MED27: variants seen among roughly 807,000 people sequenced by gnomAD.
MED27 encodes mediator complex subunit 27.
A neutral mutation model predicts 38.2 loss-of-function variants in MED27; 30 were observed. The observed-to-expected ratio is 0.79, with a 90% CI of 0.59 to 1.07. MED27 has a LOEUF of 1.07. Ranked by LOEUF, MED27 falls within the 50% of genes least tolerant of loss-of-function variation. The pLI is 0.00. For synonymous variants in MED27, 122 were observed against 153.5 expected (o/e 0.79, Z 1.52); for missense variants, 289 against 397.5 (o/e 0.73, Z 2.32).
intron 4 of MED27, among the ~76,000 whole-genome samples, chr9:131,899,957 A>G (rs1242534467): frequency 6.6e-6 from 1 of 152,254 alleles, no homozygotes; most frequent in Non-Finnish European, 1.5e-5. Context: ...CGGGGGCTAC[A>G]GGTCGGCTCT....
At chr9:131,915,854 G>A (rs987355336) in intron 4 of MED27, among the ~76,000 whole-genome samples, 4 of 152,200 alleles carry the variant, frequency 2.6e-5, no homozygotes, top group Non-Finnish European at 5.9e-5. Context: ...GGCCAAGCAA[G>A]GATTTGAACC....
chr9:131,940,047 C>T (rs1830758579), intron 3 of MED27, among the ~76,000 whole-genome samples: 1 of 151,872 alleles, frequency 6.6e-6, no homozygotes, highest in Non-Finnish European at 1.5e-5. Flanking sequence ...GCTGGGACTA[C>T]AGGCGATCCC....
intron 3 of MED27, among the ~76,000 whole-genome samples, chr9:131,986,760 C>A (rs918400592): frequency 1.3e-5 from 2 of 152,144 alleles, no homozygotes; most frequent in South Asian, 4.1e-4. Flanking sequence ...TTATTCCTGA[C>A]AATTACTTGG....
At chr9:131,919,077 A>G (rs1830343096) in intron 4 of MED27, among the ~76,000 whole-genome samples, 1 of 152,188 alleles carries the variant, frequency 6.6e-6, no homozygotes. Context: ...GCCCTGAGAT[A>G]AAGATAATAG....
chr9:131,974,946 C>T (rs1012564467), intron 3 of MED27, among the ~76,000 whole-genome samples: 2 of 152,128 alleles, frequency 1.3e-5, no homozygotes, highest in South Asian at 4.1e-4. Context: ...ACCAGTAAAC[C>T]CAAAAACTTG....
intron 2 of MED27, among the ~76,000 whole-genome samples, chr9:132,049,934 T>C (rs966924814): frequency 1.1e-4 from 16 of 152,178 alleles, no homozygotes; most frequent in African/African-American, 3.9e-4. Flanking sequence ...TTTTACACTA[T>C]TTTAAGTTAA....
chr9:131,934,125 T>C (rs886829979), intron 4 of MED27, among the ~76,000 whole-genome samples: 1 of 152,138 alleles, frequency 6.6e-6, no homozygotes, highest in East Asian at 1.9e-4. Flanking sequence ...AAAAATCAAA[T>C]ACAAATGGAT....
chr9:131,879,714 C>T (rs1294730938), intron 6 of MED27, among the ~76,000 whole-genome samples: 4 of 152,204 alleles, frequency 2.6e-5, no homozygotes, highest in East Asian at 1.9e-4. Context: ...ATGCTGGGAA[C>T]GAACCCCACC....
intron 4 of MED27, among the ~76,000 whole-genome samples, chr9:131,911,229 C>T (rs1039745577): frequency 1.3e-5 from 2 of 152,140 alleles, no homozygotes; most frequent in African/African-American, 2.4e-5. Context: ...CAAGCCATAG[C>T]GTGCAGGAGG....
chr9:131,865,389 C>T (rs997771727), intron 6 of MED27, among the ~76,000 whole-genome samples: 12 of 152,140 alleles, frequency 7.9e-5, no homozygotes, highest in Middle Eastern at 3.2e-3. Flanking sequence ...TGGGCTCGAA[C>T]GGTCCCCGAA....
At chr9:132,038,199 T>C (rs1208910961) in intron 2 of MED27, among the ~76,000 whole-genome samples, 2 of 147,040 alleles carry the variant, frequency 1.4e-5, no homozygotes, top group African/African-American at 5.1e-5. Flanking sequence ...TTTTTTTTTT[T>C]TTTTTTTTTT....
chr9:131,920,788 A>G (rs1830377204), intron 4 of MED27, among the ~76,000 whole-genome samples: 1 of 150,672 alleles, frequency 6.6e-6, no homozygotes, highest in Non-Finnish European at 1.5e-5. Context: ...GTGGTGGGGG[A>G]GAGGGGGTGG....
rs972926977 is a variant in MED27 at position 131,862,311 on chromosome 9, T to A, written c.801+752A>T. ...AGAAAACAGGGAGTCCCAGCAGCGG[T>A]GGATGATGGGGTCTGCTGGCGTGAG... On this transcript the variant is annotated intron_variant, in intron 7 of 7. Coordinates refer to ENST00000292035, the MANE Select transcript of MED27 (RefSeq NM_004269.4). This position sits in a 1 kb window ranked among gnomAD's most constrained non-coding sequence, Gnocchi z 4.6. 2.6e-5 allele frequency among the ~76,000 whole-genome samples: 4 copies of A among 151,920 alleles called. No homozygotes were observed. In the East Asian group the frequency reaches 7.7e-4, roughly 29 times the overall value.
At chr9:132,039,407 A>C (rs1833155484) in intron 2 of MED27, among the ~76,000 whole-genome samples, 1 of 152,110 alleles carries the variant, frequency 6.6e-6, no homozygotes. Context: ...TCTTGTGGGG[A>C]CTAGATGTGT....
intron 4 of MED27, among the ~76,000 whole-genome samples, chr9:131,911,225 A>G (rs1830181282): frequency 6.6e-6 from 1 of 152,260 alleles, no homozygotes; most frequent in South Asian, 2.1e-4. Flanking sequence ...GTAACAAGCC[A>G]TAGCGTGCAG....
intron 2 of MED27, among the ~76,000 whole-genome samples, chr9:132,040,756 A>G (rs1833191336): frequency 6.6e-6 from 1 of 152,224 alleles, no homozygotes; most frequent in Non-Finnish European, 1.5e-5. Context: ...GCACGTGCAC[A>G]CACACCGCAC....
chr9:131,949,051 T>C (rs1418584401), intron 3 of MED27, among the ~76,000 whole-genome samples: 2 of 152,148 alleles, frequency 1.3e-5, no homozygotes, highest in Non-Finnish European at 2.9e-5. Context: ...AGTTCATGGG[T>C]ACGTCATGAA....
chr9:131,953,066 TTA>T (rs759607502), intron 3 of MED27, among the ~76,000 whole-genome samples: 18 of 152,246 alleles, frequency 1.2e-4, no homozygotes, highest in Non-Finnish European at 2.6e-4. Context: ...GTATTCTAGA[TTA>T]GTAATGAAAC....
rs1056066389 is a variant in MED27 at position 131,980,215 on chromosome 9, G to A, written c.479+34122C>T. On this transcript the variant is annotated intron_variant, in intron 3 of 7. Coordinates refer to ENST00000292035, the MANE Select transcript of MED27 (RefSeq NM_004269.4). ...GGAAAATGGGAGGCGGGTGGCGGGG[G>A]GGAGAGGGAGGAAAGTGAGGTGCTA... Among the ~76,000 whole-genome samples the A allele has an allele frequency of 3.0e-4, 45 of 151,312 alleles. 1 individual carries two copies. The highest frequency in any genetic ancestry group is 9.4e-4 in the African/African-American group (39 of 41,312).
Sources: allele counts gnomAD v4.1 joint callset (sites outside exome capture counted in the v4.1 genomes callset), GRCh38; gene constraint gnomAD v4.1.1; non-coding constraint Gnocchi (gnomAD v3.1); transcripts MANE v1.5; gene names NCBI Gene and HGNC (gene_info 2026-07-23, HGNC 2026-07-21).